Variants in ZDHHC15 observed in about 807,000 individuals in gnomAD.
ZDHHC15 encodes zDHHC palmitoyltransferase 15.
ZDHHC15 carries 19 observed loss-of-function variants against 31.7 expected under a neutral mutation model. That is an observed-to-expected ratio of 0.60 (90% CI 0.42 to 0.88). The LOEUF (loss-of-function observed/expected upper bound fraction) is 0.88, where lower values mean the gene tolerates loss of function less well. Among genes scored for constraint, ZDHHC15 ranks in the 40% least tolerant of loss-of-function variants. ZDHHC15 has a pLI of 0.00. For synonymous variants in ZDHHC15, 103 were observed against 90.0 expected (o/e 1.14, Z -0.82); for missense variants, 209 against 251.2 (o/e 0.83, Z 1.14).
rs2083003035 is a variant in ZDHHC15 at position 75,371,157 on chromosome X, C to T, written c.*1821G>A. On this transcript the variant is annotated 3_prime_UTR_variant, in exon 12 of 12. Coordinates refer to ENST00000373367, the MANE Select transcript of ZDHHC15 (RefSeq NM_144969.3). ...CATACATGTAGAAAAAGGTGCATAT[C>T]TATATGAATAGAAGACAAGGCTTGT... 1 of 111,697 alleles carries T rather than the reference C, an allele frequency of 9.0e-6. No homozygotes were observed. The highest frequency in any genetic ancestry group is 1.9e-5 in the Non-Finnish European group (1 of 53,205). 9.2% of individuals were successfully genotyped at this position (111,697 alleles called of 1,213,427 possible).
At chrX:75,420,881 T>G (rs1173225524) in intron 9 of ZDHHC15, among the ~76,000 whole-genome samples, 1 of 109,943 alleles carries the variant, frequency 9.1e-6, no homozygotes, top group Non-Finnish European at 1.9e-5. Context: ...CAGCAAACCA[T>G]CATGGCACGT....
At chrX:75,383,848 C>G (rs4892577) in intron 10 of ZDHHC15, among the ~76,000 whole-genome samples, 3 of 101,538 alleles carry the variant, frequency 3.0e-5, no homozygotes, top group Admixed American at 1.1e-4. Flanking sequence ...ATGCCATTCT[C>G]CTGCCTCACC....
At chrX:75,440,316 G>A (rs191694796) in intron 4 of ZDHHC15, among the ~76,000 whole-genome samples, 357 of 108,659 alleles carry the variant, frequency 3.3e-3, no homozygotes, top group Middle Eastern at 4.7e-3. Context: ...GTCTTGCTCT[G>A]TTGCCCAGGC....
chrX:75,469,432 C>T (rs1033870765), intron 3 of ZDHHC15, among the ~76,000 whole-genome samples: 1 of 111,720 alleles, frequency 9.0e-6, no homozygotes, highest in African/African-American at 3.3e-5. Flanking sequence ...GACCATTCTA[C>T]TTTTTCTCTG....
At chrX:75,419,710 CAAT>C (rs946985137) in intron 9 of ZDHHC15, among the ~76,000 whole-genome samples, 5 of 109,361 alleles carry the variant, frequency 4.6e-5, no homozygotes, top group Non-Finnish European at 9.5e-5. Context: ...AAATGTACAA[CAAT>C]GATAGACTGG....
chrX:75,508,796 C>A (rs1256631096), intron 1 of ZDHHC15, among the ~76,000 whole-genome samples: 1 of 110,893 alleles, frequency 9.0e-6, no homozygotes, highest in African/African-American at 3.3e-5. Context: ...TCTCCACATC[C>A]TCTCCAGCAC....
intron 10 of ZDHHC15, among the ~76,000 whole-genome samples, chrX:75,407,535 G>A (rs181647129): frequency 0.01 from 1,106 of 108,011 alleles, 5 homozygotes; most frequent in South Asian, 0.025. Flanking sequence ...CAGCCGCCCC[G>A]TCCGGGAGGG....
intron 1 of ZDHHC15, among the ~76,000 whole-genome samples, chrX:75,508,707 C>T (rs1321937462): frequency 9.0e-6 from 1 of 110,850 alleles, no homozygotes; most frequent in East Asian, 2.8e-4. Context: ...GTTCTAGATC[C>T]TTGAGGAATG....
intron 10 of ZDHHC15, among the ~76,000 whole-genome samples, chrX:75,401,070 A>C (rs2083350936): frequency 9.0e-6 from 1 of 111,009 alleles, no homozygotes. Context: ...AGAGGATGGA[A>C]AGTAGCGCAT....
chrX:75,522,894 C>T lies in ZDHHC15; in HGVS notation c.131G>A (p.Cys44Tyr), dbSNP rs983388048. ...AGGTGCCCAGCCCCACTTACCCAGG[C>T]AGAGTTCAAAGACGTAGGCATAGTA... Reference protein sequence around the residue: ...WSYYAYVFELCLVTVLSPAEK... With the variant: ...WSYYAYVFELYLVTVLSPAEK... The change falls in exon 1 of 12, where the codon TGC becomes TAC. Residue 44 changes from cysteine to tyrosine, a missense_variant. Physicochemically the swap from Cys to Tyr is radical, Grantham distance 194 (BLOSUM62 -2). Coordinates refer to ENST00000373367, the MANE Select transcript of ZDHHC15 (RefSeq NM_144969.3). 4 of 1,211,743 alleles carry T rather than the reference C, an allele frequency of 3.3e-6. No homozygotes were observed. Among genetic ancestry groups the T allele is most frequent in the Non-Finnish European group, 4.5e-6 (4 of 895,451 alleles).
At chrX:75,386,467 A>T (rs774319878) in intron 10 of ZDHHC15, among the ~76,000 whole-genome samples, 41 of 111,992 alleles carry the variant, frequency 3.7e-4, no homozygotes, top group Non-Finnish European at 6.0e-4. Context: ...AGAAAAGTTC[A>T]GTTCTTTTAT....
rs1187085877 is a variant in ZDHHC15, at chrX:75,369,308, AATGTGT to A, written c.*3664_*3669del. 1.2e-4 allele frequency: 6 copies of A among 48,378 alleles called. No homozygotes were observed. Among genetic ancestry groups the A allele is most frequent in the Admixed American group, 3.3e-4 (1 of 3,003 alleles). 4.0% of individuals were successfully genotyped at this position (48,378 alleles called of 1,213,427 possible). A position where few individuals can be genotyped will look rare whatever the true frequency, so the allele number is the denominator to read the frequency against. On this transcript the variant is annotated 3_prime_UTR_variant, in exon 12 of 12. Transcript: ENST00000373367. The stretch of plus-strand genomic sequence containing the variant: ...TGAAGAGGCAGCCTGCTTTGGAGAA[AATGTGT>A]ATGTGTGTGTGTGTGTGTGTGTGTG...
At chrX:75,458,458 G>C (rs2084259625) in intron 3 of ZDHHC15, among the ~76,000 whole-genome samples, 1 of 111,707 alleles carries the variant, frequency 9.0e-6, no homozygotes, top group Non-Finnish European at 1.9e-5. Flanking sequence ...AGTAGAGTCT[G>C]TATGTTATAC....
At chrX:75,451,751 T>G (rs2084121964) in intron 3 of ZDHHC15, among the ~76,000 whole-genome samples, 1 of 111,682 alleles carries the variant, frequency 9.0e-6, no homozygotes, top group African/African-American at 3.2e-5. Context: ...GGTGCAGAAG[T>G]GCCAGATAAT....
chrX:75,515,964 T>G (rs2148071754), intron 1 of ZDHHC15, among the ~76,000 whole-genome samples: 1 of 111,473 alleles, frequency 9.0e-6, no homozygotes, highest in African/African-American at 3.3e-5. Context: ...AGCCAAATCA[T>G]GAGTGAACTC....
chrX:75,403,850 T>C (rs1423720711), intron 10 of ZDHHC15, among the ~76,000 whole-genome samples: 3 of 111,889 alleles, frequency 2.7e-5, no homozygotes, highest in Non-Finnish European at 3.8e-5. Context: ...ATTACCAGTG[T>C]CATTTTTCAC....
chrX:75,378,556 A>G (rs957785465), intron 11 of ZDHHC15, among the ~76,000 whole-genome samples: 1 of 111,869 alleles, frequency 8.9e-6, no homozygotes. Flanking sequence ...TTAATATTTA[A>G]TTACACTGGG....
At chrX:75,411,214 C>CT (rs2083481559) in intron 10 of ZDHHC15, among the ~76,000 whole-genome samples, 3 of 29,658 alleles carry the variant, frequency 1.0e-4, no homozygotes, top group Non-Finnish European at 5.4e-4. Flanking sequence ...ATCTATTGTA[C>CT]ATTTTTTTTT....
At chrX:75,517,259 A>C (rs1412519508) in intron 1 of ZDHHC15, among the ~76,000 whole-genome samples, 6 of 111,752 alleles carry the variant, frequency 5.4e-5, no homozygotes, top group Non-Finnish European at 1.1e-4. Flanking sequence ...AGGATTATAA[A>C]TCATGTTACT....
Sources: allele counts gnomAD v4.1 joint callset (sites outside exome capture counted in the v4.1 genomes callset), GRCh38; gene constraint gnomAD v4.1.1; transcripts MANE v1.5; gene names NCBI Gene and HGNC (gene_info 2026-07-23, HGNC 2026-07-21).